The following KAZN variants were observed in gnomAD, a reference collection of about 807,000 sequenced individuals.
KAZN encodes the protein kazrin.
A neutral mutation model predicts 87.4 loss-of-function variants in KAZN; 40 were observed. That is an observed-to-expected ratio of 0.46 (90% confidence interval 0.36 to 0.60). The LOEUF (loss-of-function observed/expected upper bound fraction) is 0.60, where lower values mean the gene tolerates loss of function less well. Among genes scored for constraint, KAZN ranks in the 20% least tolerant of loss-of-function variants. KAZN has a pLI of 0.00. For synonymous variants in KAZN, 466 were observed against 458.3 expected, an observed-to-expected ratio of 1.02 and a Z score of -0.22; for missense variants, 898 against 1,073.9, an observed-to-expected ratio of 0.84 and a Z score of 2.29.
chr1:15,062,770 G>GT (rs1411580436), intron 6 of KAZN: 1 of 152,250 alleles, frequency 6.6e-6, no homozygotes, highest in Non-Finnish European at 1.5e-5. Flanking sequence ...TTGTACACCT[G>GT]TAGGCTATTA....
intron 1 of KAZN, among the ~76,000 whole-genome samples, chr1:14,816,614 TAGAC>T (rs768463795): frequency 1.3e-5 from 2 of 152,018 alleles, no homozygotes; most frequent in South Asian, 2.1e-4. Flanking sequence ...GGTAAATAGA[TAGAC>T]AGACAGACAT....
chr1:13,983,685 C>T (rs1427492153), intron 1 of KAZN, among the ~76,000 whole-genome samples: 7 of 152,244 alleles, frequency 4.6e-5, no homozygotes, highest in African/African-American at 1.4e-4. Flanking sequence ...GTGCCGAGAG[C>T]GAGCGAGGGC....
At chr1:14,590,223 T>A (rs1676111054) in intron 2 of KAZN, among the ~76,000 whole-genome samples, 1 of 152,126 alleles carries the variant, frequency 6.6e-6, no homozygotes, top group Non-Finnish European at 1.5e-5. Flanking sequence ...GTGTTTCAAA[T>A]CACTGGGGTA....
rs530958415 is a variant in KAZN, at chr1:14,402,228, T to C, written c.250-196755T>C. On this transcript the variant is annotated intron_variant, in intron 2 of 16. Transcript: ENST00000636203. ...CCACATTTTAAAAAAATTTGTAAGT[T>C]TCTATAGGCCAAAAAAAAAAAAATC... Among the ~76,000 whole-genome samples, 1,415 of 147,968 alleles carry C rather than the reference T, an allele frequency of 9.6e-3. 18 individuals are homozygous for C. The highest frequency in any genetic ancestry group is 0.033 in the African/African-American group (1,335 of 41,018).
At chr1:14,077,439 A>C (rs1280295664) in intron 1 of KAZN, among the ~76,000 whole-genome samples, 1 of 152,150 alleles carries the variant, frequency 6.6e-6, no homozygotes. Flanking sequence ...TGTTACTCAA[A>C]AGATCTTTCT....
chr1:14,459,421 G>A (rs1328658760), intron 2 of KAZN, among the ~76,000 whole-genome samples: 1 of 151,600 alleles, frequency 6.6e-6, no homozygotes. Flanking sequence ...AAAAAAAAAA[G>A]GCAGCTCTGC....
intron 2 of KAZN, among the ~76,000 whole-genome samples, chr1:14,550,454 G>A (rs893335798): frequency 6.6e-6 from 1 of 152,070 alleles, no homozygotes; most frequent in Non-Finnish European, 1.5e-5. Flanking sequence ...ATGCAGGCTG[G>A]AAAAATATTG....
chr1:15,029,248 C>T (rs1002998326), intron 2 of KAZN, among the ~76,000 whole-genome samples: 1 of 152,164 alleles, frequency 6.6e-6, no homozygotes, highest in African/African-American at 2.4e-5. Flanking sequence ...GAGTTTGTCT[C>T]CTCTATGAGA....
chr1:14,194,179 C>A (rs1646479378), intron 2 of KAZN, among the ~76,000 whole-genome samples: 1 of 152,092 alleles, frequency 6.6e-6, no homozygotes, highest in Non-Finnish European at 1.5e-5. Context: ...TCAGTTTCAA[C>A]CAAATCTTGA....
intron 1 of KAZN, among the ~76,000 whole-genome samples, chr1:14,902,995 A>G (rs937477575): frequency 6.6e-6 from 1 of 151,630 alleles, no homozygotes; most frequent in South Asian, 2.1e-4. Flanking sequence ...AGCCTCCTGA[A>G]GTAGCTGGAA....
At chr1:14,338,439 C>T (rs1571335146) in intron 2 of KAZN, among the ~76,000 whole-genome samples, 2 of 146,026 alleles carry the variant, frequency 1.4e-5, no homozygotes, top group South Asian at 2.2e-4. Context: ...TAGCTCAGAT[C>T]GTGCCACTGC....
chr1:14,982,874 G>A (rs369436576), intron 2 of KAZN, among the ~76,000 whole-genome samples: 3 of 152,168 alleles, frequency 2.0e-5, no homozygotes, highest in Non-Finnish European at 2.9e-5. Context: ...CCTGCCATGC[G>A]AAGCGCAGGT....
chr1:14,290,579 A>C (rs1653605852), intron 2 of KAZN, among the ~76,000 whole-genome samples: 1 of 152,172 alleles, frequency 6.6e-6, no homozygotes, highest in African/African-American at 2.4e-5. Flanking sequence ...CCATTTATCT[A>C]ATCTTTTTTC....
At chr1:14,076,209 A>T (rs1570679068) in intron 1 of KAZN, among the ~76,000 whole-genome samples, 1 of 151,804 alleles carries the variant, frequency 6.6e-6, no homozygotes, top group East Asian at 1.9e-4. Flanking sequence ...TGAACCCGGG[A>T]GGTGGAGGTT....
At chr1:13,990,066 C>T (rs141260105) in intron 1 of KAZN, among the ~76,000 whole-genome samples, 7 of 152,314 alleles carry the variant, frequency 4.6e-5, no homozygotes, top group Admixed American at 2.0e-4. Context: ...AAGAACTTTT[C>T]TGAACTCTTG....
chr1:14,332,725 C>T (rs1482151833), intron 2 of KAZN, among the ~76,000 whole-genome samples: 1 of 152,122 alleles, frequency 6.6e-6, no homozygotes, highest in Admixed American at 6.5e-5. Context: ...TCTGTTTGGC[C>T]TTGGGCAAGT....
chr1:14,834,623 A>G (rs942938726), intron 1 of KAZN, among the ~76,000 whole-genome samples: 5 of 152,118 alleles, frequency 3.3e-5, no homozygotes, highest in African/African-American at 1.2e-4. Flanking sequence ...AGCCTCCCAA[A>G]GTGCTGGGAT....
In KAZN at chr1:14,148,128, G is replaced by A. The variant is rs1570871358; in HGVS notation, c.92-32307G>A. Among the ~76,000 whole-genome samples, 5 of 152,156 alleles carry A rather than the reference G, an allele frequency of 3.3e-5. 1 individual carries two copies. The highest frequency in any genetic ancestry group is 3.3e-4 in the Admixed American group (5 of 15,288). Reference sequence around the variant, plus strand: ...CCCAGCAGATCACTTGAGCCCAGGAGGTTGAGGCTGCAGTGAGCCGTCATC... The same window carrying A: ...CCCAGCAGATCACTTGAGCCCAGGAAGTTGAGGCTGCAGTGAGCCGTCATC... On this transcript the variant is annotated intron_variant, in intron 1 of 16. Transcript: ENST00000636203.
intron 1 of KAZN, among the ~76,000 whole-genome samples, chr1:14,691,162 A>T (rs1641264700): frequency 6.6e-6 from 1 of 152,158 alleles, no homozygotes; most frequent in East Asian, 1.9e-4. Flanking sequence ...TTGACTATTG[A>T]TGGATGGCTC....
Sources: gnomAD v4.1 joint callset for allele counts (sites outside exome capture counted in the v4.1 genomes callset) on GRCh38, gnomAD v4.1.1 for gene constraint, MANE v1.5 for transcripts, NCBI Gene and HGNC (gene_info 2026-07-23, HGNC 2026-07-21) for gene names.